Variants in CYP3A4 observed in about 807,000 individuals in gnomAD.
The protein encoded by CYP3A4 is cytochrome P450 3A4.
Under a neutral mutation model 54.9 loss-of-function variants are expected in CYP3A4, and 41 were observed. The ratio of observed to expected loss-of-function variants is 0.75; its 90% confidence interval spans 0.58 to 0.97. The LOEUF is 0.97. CYP3A4 is among the 50% of genes least tolerant of loss of function. The pLI, the probability that CYP3A4 is intolerant of heterozygous loss-of-function variation, is 0.00. For missense variants in CYP3A4, 510 were observed against 597.3 expected, an observed-to-expected ratio of 0.85 and a Z score of 1.52; for synonymous variants, 179 against 205.2, an observed-to-expected ratio of 0.87 and a Z score of 1.09.
intron 2 of CYP3A4, among the ~76,000 whole-genome samples, chr7:99,779,034 G>A (rs776850596): frequency 5.3e-5 from 8 of 152,200 alleles, no homozygotes; most frequent in Non-Finnish European, 8.8e-5. Context: ...CTGGCCATGT[G>A]GACATGGGCT....
rs1315917386 is a variant in CYP3A4 at position 99,757,375 on chromosome 7, G to A, written c.*758C>T. 2 of 152,226 alleles carry A rather than the reference G, an allele frequency of 1.3e-5. No individual in the cohort carries two copies. Among genetic ancestry groups the A allele is most frequent in the African/African-American group, 4.8e-5 (2 of 41,430 alleles). The allele number at this position is 152,226 out of a possible 1,614,324, so 9.4% of individuals were successfully genotyped here. A position where few individuals can be genotyped will look rare whatever the true frequency, so the allele number is the denominator to read the frequency against. On this transcript the variant is annotated 3_prime_UTR_variant, in exon 13 of 13. Coordinates refer to ENST00000651514, the MANE Select transcript of CYP3A4 (RefSeq NM_017460.6). ...GTAGAGATGGGGTTTCAACCATGTA[G>A]GCCAGGCTTGTCTTGAACTCCTGAC...
chr7:99,757,923 G>C lies in CYP3A4; in HGVS notation c.*210C>G, dbSNP rs1398980512. ...GGAGCCAAATCTACCTCCTCACACTGATTTGGTCACCTCCTTTATATTCCC... is the reference window on the plus strand; with the variant it reads ...GGAGCCAAATCTACCTCCTCACACTCATTTGGTCACCTCCTTTATATTCCC... On this transcript the variant is annotated 3_prime_UTR_variant, in exon 13 of 13. Coordinates refer to ENST00000651514, the MANE Select transcript of CYP3A4 (RefSeq NM_017460.6). 1.9e-6 allele frequency: 1 copy of C among 520,666 alleles called. No individual in the cohort carries two copies. Among genetic ancestry groups the C allele is most frequent in the Non-Finnish European group, 3.5e-6 (1 of 288,280 alleles). 32.3% of individuals were successfully genotyped at this position (520,666 alleles called of 1,614,324 possible). A position where few individuals can be genotyped will look rare whatever the true frequency, so the allele number is the denominator to read the frequency against.
At chr7:99,766,320 G>C in intron 9 of CYP3A4, 57 bp downstream of exon 9, 1 of 1,586,290 alleles carries the variant, frequency 6.3e-7, no homozygotes, top group Non-Finnish European at 8.6e-7. Flanking sequence ...CACATTTTCA[G>C]AACAAGGCCT....
intron 12 of CYP3A4, among the ~76,000 whole-genome samples, chr7:99,758,502 T>C (rs1168408377): frequency 1.3e-5 from 2 of 152,210 alleles, no homozygotes. Flanking sequence ...TCATCTATCA[T>C]TTAACAAAAT....
chr7:99,769,118 AT>A (rs1258774314), intron 6 of CYP3A4, among the ~76,000 whole-genome samples: 3 of 152,148 alleles, frequency 2.0e-5, no homozygotes, highest in Admixed American at 6.5e-5. Flanking sequence ...TTAAAAAAAA[AT>A]CTCTCAAAAT....
chr7:99,780,103 A>C lies in CYP3A4; in HGVS notation c.72-18T>G. ...TTCCATATCTACAAAGTGAAACAGA[A>C]ATCAAGTCACAGCGATTGTGACTTT... On this transcript the variant is annotated intron_variant, in intron 1 of 12. Transcript: ENST00000651514. 6.2e-7 allele frequency: 1 copy of C among 1,606,858 alleles called. No homozygotes were observed.
chr7:99,774,602 C>T (rs534762921), intron 3 of CYP3A4, among the ~76,000 whole-genome samples: 23 of 152,124 alleles, frequency 1.5e-4, no homozygotes, highest in Admixed American at 4.6e-4. Context: ...ACATAATTAC[C>T]TCAATAGATG....
rs1166993796 is a variant in CYP3A4 at position 99,760,862 on chromosome 7, C to A, written c.1373G>T (p.Arg458Ile). The change falls in exon 12 of 13, where the codon AGA (arginine) becomes ATA (isoleucine). Residue 458 changes from arginine to isoleucine, a missense_variant. Physicochemically the swap from Arg to Ile is moderately conservative, Grantham distance 97. Coordinates refer to ENST00000651514, the MANE Select transcript of CYP3A4 (RefSeq NM_017460.6). ...TTTGAAGGAGAAGTTCTGAAGGACT[C>A]TGATTAGAGCAAGTTTCATGTTCAT... The part of the protein sequence containing the change: ...ALMNMKLALI[R>I]VLQNFSFKPC... 6.2e-7 allele frequency: 1 copy of A among 1,614,000 alleles called. No individual in the cohort carries two copies. The highest frequency in any genetic ancestry group is 2.2e-5 in the East Asian group (1 of 44,876).
Position 99,772,679 on chromosome 7 carries a change from C to G in CYP3A4, c.229G>C (p.Gly77Arg), listed in dbSNP as rs1446253503. The change falls in exon 4 of 13, where the codon GGT becomes CGT. Residue 77 changes from glycine (G) to arginine (R), a missense_variant. Gly to Arg is a moderately radical substitution (Grantham distance 125). Transcript: ENST00000651514. ...GTGATAGCCAGCACAGGCTGTTGAC[C>G]ATCATAAAAGCTGTGTGAAAAAAAC... Reference protein sequence around the residue: ...KYGKVWGFYDGQQPVLAITDP... With the variant: ...KYGKVWGFYDRQQPVLAITDP... The G allele has an allele frequency of 1.2e-6, 2 of 1,613,100 alleles. No individual in the cohort carries two copies. Among genetic ancestry groups the G allele is most frequent in the Admixed American group, 3.3e-5 (2 of 59,972 alleles).
intron 10 of CYP3A4, 93 bp downstream of exon 10, chr7:99,763,762 T>A: frequency 6.8e-7 from 1 of 1,469,262 alleles, no homozygotes; most frequent in Non-Finnish European, 9.3e-7. Context: ...TCAGTGATTA[T>A]GCTTTTTATA....
chr7:99,774,081 T>C (rs1041549474), intron 3 of CYP3A4, among the ~76,000 whole-genome samples: 2 of 152,142 alleles, frequency 1.3e-5, no homozygotes, highest in African/African-American at 4.8e-5. Flanking sequence ...GCAAATAAAC[T>C]AGAAAATCTA....
intron 9 of CYP3A4, 47 bp downstream of exon 9, chr7:99,766,330 T>A: frequency 6.2e-7 from 1 of 1,601,720 alleles, no homozygotes; most frequent in Non-Finnish European, 8.5e-7. Flanking sequence ...GAACAAGGCC[T>A]TCCCTCTGAG....
rs375997724 is a variant in CYP3A4 at position 99,763,955 on chromosome 7, G to A, written c.926C>T (p.Thr309Ile). Residue 309 changes from threonine to isoleucine, a missense_variant, in exon 10 of 13, where the codon ACC (threonine) becomes ATC (isoleucine). By Grantham distance (89) the Thr-to-Ile change is moderately conservative (BLOSUM62 -1). Coordinates refer to ENST00000651514, the MANE Select transcript of CYP3A4 (RefSeq NM_017460.6). ...SIIFIFAGYETTSSVLSFIMY... is the reference protein window; with the variant it reads ...SIIFIFAGYEITSSVLSFIMY... ...AATGAAGGAGAGAACACTGCTCGTG[G>A]TTTCATAGCCAGCAAAAATAAAGAT... 1 of 1,613,842 alleles carries A rather than the reference G, an allele frequency of 6.2e-7. No homozygotes were observed. Among genetic ancestry groups the A allele is most frequent in the African/African-American group, 1.3e-5 (1 of 74,892 alleles).
chr7:99,777,938 A>G, intron 3 of CYP3A4, 90 bp downstream of exon 3: 1 of 994,776 alleles, frequency 1.0e-6, no homozygotes, highest in South Asian at 1.4e-5. Context: ...CTTCATCCCA[A>G]GAGGCTTTGG....
Position 99,764,028 on chromosome 7 carries a change from G to A in CYP3A4, c.866-13C>T, listed in dbSNP as rs1563040233. The A allele has an allele frequency of 6.2e-7, 1 of 1,613,778 alleles. No individual in the cohort carries two copies. The highest frequency in any genetic ancestry group is 1.3e-5 in the African/African-American group (1 of 75,024). Reference sequence around the variant, plus strand: ...AGATCGGACAGAGCTGAAAGGAGAGGAAAGACATTTTAGGTAAATCAGATC... The same window carrying A: ...AGATCGGACAGAGCTGAAAGGAGAGAAAAGACATTTTAGGTAAATCAGATC... On this transcript the variant is annotated splice_polypyrimidine_tract_variant and intron_variant, in intron 9 of 12. Transcript: ENST00000651514.
intron 2 of CYP3A4, among the ~76,000 whole-genome samples, chr7:99,778,862 G>A (rs1345460118): frequency 6.6e-6 from 1 of 152,184 alleles, no homozygotes; most frequent in Non-Finnish European, 1.5e-5. Flanking sequence ...AGTTGACCTG[G>A]AAAAGGTGGC....
intron 3 of CYP3A4, among the ~76,000 whole-genome samples, chr7:99,777,317 G>A (rs1815795907): frequency 2.6e-5 from 4 of 152,126 alleles, no homozygotes; most frequent in Non-Finnish European, 4.4e-5. Flanking sequence ...GAGTCCCTGG[G>A]CCACCAAAGT....
intron 3 of CYP3A4, among the ~76,000 whole-genome samples, chr7:99,776,546 C>T (rs1380205520): frequency 6.6e-6 from 1 of 152,142 alleles, no homozygotes; most frequent in Admixed American, 6.5e-5. Context: ...TTTGCAGGGA[C>T]AAGGATGAAG....
At chr7:99,780,109 G>A (rs1301025677) in intron 1 of CYP3A4, 24 bp from the exon 2 acceptor site, 1 of 1,603,320 alleles carries the variant, frequency 6.2e-7, no homozygotes, top group Non-Finnish European at 8.5e-7. Context: ...CAGAAATCAA[G>A]TCACAGCGAT....
Sources: allele counts gnomAD v4.1 joint callset (sites outside exome capture counted in the v4.1 genomes callset), GRCh38; gene constraint gnomAD v4.1.1; transcripts MANE v1.5; gene names NCBI Gene and HGNC (gene_info 2026-07-23, HGNC 2026-07-21).